Variants in SIPA1L2 observed in about 807,000 individuals in gnomAD.
The protein encoded by SIPA1L2 is signal induced proliferation associated 1 like 2, also known as signal-induced proliferation-associated 1-like protein 2.
Under a neutral mutation model 163.9 loss-of-function variants are expected in SIPA1L2, and 56 were observed. That is an observed-to-expected ratio of 0.34 (90% CI 0.28 to 0.43). SIPA1L2 has a LOEUF of 0.43. Ranked by LOEUF, SIPA1L2 falls within the 20% of genes least tolerant of loss-of-function variation. SIPA1L2 has a pLI of 1.00. For missense variants in SIPA1L2, 1,974 were observed against 2,193.5 expected, an observed-to-expected ratio of 0.90 and a Z score of 2.00; for synonymous variants, 877 against 865.7, an observed-to-expected ratio of 1.01 and a Z score of -0.23.
At chr1:232,479,236 A>C (rs1484073324) in intron 7 of SIPA1L2, among the ~76,000 whole-genome samples, 3 of 152,168 alleles carry the variant, frequency 2.0e-5, no homozygotes, top group African/African-American at 7.2e-5. Flanking sequence ...AATGGAGAGG[A>C]ACAGCTGAAA....
At chr1:232,607,814 G>A (rs1223670568) in intron 1 of SIPA1L2, among the ~76,000 whole-genome samples, 1 of 151,366 alleles carries the variant, frequency 6.6e-6, no homozygotes, top group Admixed American at 6.6e-5. Flanking sequence ...CCAGCACTTT[G>A]GGAGGCAGAG....
At chr1:232,502,260 C>A (rs1410364885) in intron 3 of SIPA1L2, among the ~76,000 whole-genome samples, 1 of 152,098 alleles carries the variant, frequency 6.6e-6, no homozygotes, top group Non-Finnish European at 1.5e-5. Flanking sequence ...TGACAGCAGG[C>A]ATGTTACTGG....
intron 2 of SIPA1L2, among the ~76,000 whole-genome samples, chr1:232,573,784 G>A (rs1195369369): frequency 6.6e-6 from 1 of 152,068 alleles, no homozygotes; most frequent in Non-Finnish European, 1.5e-5. Flanking sequence ...TCCTATTCGG[G>A]GAGAGAAGCC....
At chr1:232,549,453 A>T (rs1430203017) in intron 2 of SIPA1L2, among the ~76,000 whole-genome samples, 1 of 152,274 alleles carries the variant, frequency 6.6e-6, no homozygotes, top group Non-Finnish European at 1.5e-5. Flanking sequence ...ATTAAAGCTG[A>T]CCACTTTAGA....
intron 1 of SIPA1L2, among the ~76,000 whole-genome samples, chr1:232,612,868 T>C (rs1662318166): frequency 2.0e-5 from 3 of 151,268 alleles, no homozygotes; most frequent in Non-Finnish European, 2.9e-5. Context: ...TGCAATGATA[T>C]GGTTTAGTTC....
rs200916980 is a variant in SIPA1L2, at chr1:232,597,335, CA to C, written c.-318-23114del. Among the ~76,000 whole-genome samples, 1,422 of 152,114 alleles carry C rather than the reference CA, an allele frequency of 9.3e-3. 28 individuals carry two copies. Among genetic ancestry groups the C allele is most frequent in the African/African-American group, 0.032 (1,341 of 41,486 alleles). ...TAGTGAACTGGTAGAGGCCAGGTGA[CA>C]GCAGCCTCTATGGTGGGACTCAGGG... On this transcript the variant is annotated intron_variant, in intron 1 of 22. Transcript: ENST00000674635.
At chr1:232,533,709 ACCCTT>A (rs895172901) in intron 2 of SIPA1L2, among the ~76,000 whole-genome samples, 1 of 152,206 alleles carries the variant, frequency 6.6e-6, no homozygotes, top group African/African-American at 2.4e-5. Context: ...CCTCTGCTAG[ACCCTT>A]GATACACAAC....
At chr1:232,479,335 C>G (rs1665203363) in intron 7 of SIPA1L2, among the ~76,000 whole-genome samples, 1 of 152,164 alleles carries the variant, frequency 6.6e-6, no homozygotes. Flanking sequence ...ACACGGTTGG[C>G]CTTTTCGTAA....
chr1:232,452,797 T>C (rs1375359870), intron 10 of SIPA1L2, among the ~76,000 whole-genome samples: 1 of 152,194 alleles, frequency 6.6e-6, no homozygotes, highest in Admixed American at 6.5e-5. Context: ...CAGACATGAC[T>C]ATGTGTAGCT....
chr1:232,440,192 A>G (rs1662806856), intron 14 of SIPA1L2, among the ~76,000 whole-genome samples: 1 of 152,188 alleles, frequency 6.6e-6, no homozygotes. Flanking sequence ...CTGGAAGACA[A>G]AAAGCAAATA....
rs7536385 is a variant in SIPA1L2 at position 232,465,462 on chromosome 1, A to G, written c.2244-46T>C. ...ACAAAATGAGATGAGCTATGATACC[A>G]TAATATGTATCTTTCCGAATTTGAC... is the stretch of plus-strand genomic sequence containing the variant. On this transcript the variant is annotated intron_variant, in intron 8 of 22. Transcript: ENST00000674635. This position sits in a 1 kb window ranked among gnomAD's most constrained non-coding sequence, Gnocchi z 4.1. 122,873 of 1,506,024 alleles carry G rather than the reference A, an allele frequency of 0.082. 20,131 individuals are homozygous for G. Among genetic ancestry groups the G allele is most frequent in the East Asian group, 0.74 (32,397 of 44,064 alleles). 93.3% of individuals were successfully genotyped at this position (1,506,024 alleles called of 1,614,324 possible).
intron 1 of SIPA1L2, among the ~76,000 whole-genome samples, chr1:232,614,444 C>T (rs930130330): frequency 6.6e-6 from 1 of 152,196 alleles, no homozygotes; most frequent in Non-Finnish European, 1.5e-5. Flanking sequence ...TTAAGTTCCA[C>T]ACTGCTCTTT....
At chr1:232,455,147 A>G (rs890238885) in intron 10 of SIPA1L2, among the ~76,000 whole-genome samples, 1 of 152,240 alleles carries the variant, frequency 6.6e-6, no homozygotes, top group Non-Finnish European at 1.5e-5. Flanking sequence ...GAGGACTCAG[A>G]ATAGTGATTG....
At chr1:232,430,492 C>T (rs1000630187) in intron 16 of SIPA1L2, among the ~76,000 whole-genome samples, 13 of 152,226 alleles carry the variant, frequency 8.5e-5, no homozygotes, top group Admixed American at 8.5e-4. Flanking sequence ...TTCTTCAGTG[C>T]ACAATGAGAC....
At chr1:232,533,508 C>T (rs1657111767) in intron 2 of SIPA1L2, among the ~76,000 whole-genome samples, 1 of 152,142 alleles carries the variant, frequency 6.6e-6, no homozygotes, top group Non-Finnish European at 1.5e-5. Context: ...GGAGTCAGCA[C>T]CTGAGTTGAA....
At chr1:232,499,262 A>G (rs1018359541) in intron 3 of SIPA1L2, among the ~76,000 whole-genome samples, 4 of 152,236 alleles carry the variant, frequency 2.6e-5, no homozygotes, top group African/African-American at 9.6e-5. Flanking sequence ...TAGCCGAGAC[A>G]GGCTGAAAGC....
chr1:232,483,772 C>A lies in SIPA1L2; in HGVS notation c.1981+20G>T, dbSNP rs757446552. 9 of 1,613,226 alleles carry A rather than the reference C, an allele frequency of 5.6e-6. No homozygotes were observed. The highest frequency in any genetic ancestry group is 7.6e-6 in the Non-Finnish European group (9 of 1,179,562). On this transcript the variant is annotated intron_variant, in intron 6 of 22. Coordinates refer to ENST00000674635, the MANE Select transcript of SIPA1L2 (RefSeq NM_020808.5). ...CTTTGGAGAATTAAAAATGTGCACA[C>A]ACACAAACATTAAACTTACTCTTAT...
chr1:232,409,754 G>C (rs1660842147), intron 19 of SIPA1L2, among the ~76,000 whole-genome samples: 1 of 151,606 alleles, frequency 6.6e-6, no homozygotes, highest in African/African-American at 2.4e-5. Context: ...GCTGCATGCA[G>C]CTGCCTGAGT....
chr1:232,408,114 A>G (rs1660745632), intron 19 of SIPA1L2, among the ~76,000 whole-genome samples: 2 of 152,310 alleles, frequency 1.3e-5, no homozygotes, highest in South Asian at 4.1e-4. Context: ...AATTTCACTT[A>G]GGAATTCTGA....
Sources: gnomAD v4.1 joint callset for allele counts (sites outside exome capture counted in the v4.1 genomes callset) on GRCh38, gnomAD v4.1.1 for gene constraint, Gnocchi (gnomAD v3.1) non-coding constraint, MANE v1.5 for transcripts, NCBI Gene and HGNC (gene_info 2026-07-23, HGNC 2026-07-21) for gene names.